KIF7: variants seen among roughly 807,000 people sequenced by gnomAD.
KIF7 encodes kinesin family member 7, also known as kinesin-like protein KIF7.
A neutral mutation model predicts 135.7 loss-of-function variants in KIF7; 104 were observed. That is an observed-to-expected ratio of 0.77 (90% CI 0.65 to 0.90). The LOEUF (loss-of-function observed/expected upper bound fraction) is 0.90. KIF7 is among the 40% of genes least tolerant of loss of function. KIF7 has a pLI of 0.00. For synonymous variants in KIF7, 883 were observed against 809.4 expected (o/e 1.09, Z -1.54); for missense variants, 2,005 against 1,839.1 (o/e 1.09, Z -1.65).
At chr15:89,645,743 C>G (rs1327199998) in intron 8 of KIF7, 150 bp downstream of exon 8, 49 of 1,140,738 alleles carry the variant, frequency 4.3e-5, no homozygotes, top group Non-Finnish European at 5.8e-5. Flanking sequence ...ACAGCTCTCC[C>G]CCAGGGGCTG....
At chr15:89,625,118 C>T (rs371605375), downstream of KIF7, 8 of 1,613,940 alleles carry the variant, frequency 5.0e-6, no homozygotes, top group Non-Finnish European at 6.8e-6. Context: ...AGCTTCCTCC[C>T]TGCTCTCAGC....
Position 89,648,675 on chromosome 15 carries a change from G to T in KIF7, c.1023C>A (p.Asn341Lys), listed in dbSNP as rs1172236161. Reference protein sequence around the residue: ...SDFDETLNTLNYASRAQNIRN... With the variant: ...SDFDETLNTLKYASRAQNIRN... ...GGATGTTCTGGGCGCGGCTGGCGTA[G>T]TTGAGGGTGTTGAGGGTCTCGTCGA... Residue 341 changes from asparagine to lysine, a missense_variant, in exon 5 of 19, where the codon AAC (asparagine) becomes AAA (lysine). Transcript: ENST00000394412. 1 of 1,535,932 alleles carries T rather than the reference G, an allele frequency of 6.5e-7. No individual in the cohort carries two copies. Among genetic ancestry groups the T allele is most frequent in the South Asian group, 1.2e-5 (1 of 84,058 alleles).
At position 89,646,977 on chromosome 15, in the gene KIF7, G is replaced by A; in HGVS notation, c.1641C>T (p.Gly547=). 6.2e-7 allele frequency: 1 copy of A among 1,612,710 alleles called. No individual in the cohort carries two copies. The highest frequency in any genetic ancestry group is 8.5e-7 in the Non-Finnish European group (1 of 1,179,646). The change falls in exon 7 of 19, where the codon GGC becomes GGT. Residue 547 remains glycine, a synonymous_variant. Transcript: ENST00000394412. ...GAGGCAGGCCATTCAGGAGCCGCGG[G>A]CCCCCCCAGCCTGGCCGCACCAGCT... is the stretch of plus-strand genomic sequence containing the variant. The part of the protein sequence containing the change: ...RLELVRPGWG[G]PRLLNGLPPG...
intron 1 of KIF7, among the ~76,000 whole-genome samples, chr15:89,653,870 C>CA (rs1475029066): frequency 2.0e-5 from 3 of 152,094 alleles, no homozygotes. Context: ...GCAGTGACTA[C>CA]AGGCATCAGC....
At chr15:89,631,201 C>G (rs55892115) in intron 15 of KIF7, 64,702 of 427,690 alleles carry the variant, frequency 0.15, 6,282 homozygotes, top group Middle Eastern at 0.24. Flanking sequence ...CACACGAAGC[C>G]GAGACGTGTG....
intron 11 of KIF7, 24 bp from the exon 12 acceptor site, chr15:89,633,907 G>A (rs1226212612): frequency 6.2e-7 from 1 of 1,612,994 alleles, no homozygotes; most frequent in Non-Finnish European, 8.5e-7. Flanking sequence ...AGTCTTCACT[G>A]GGCCATGCAC....
At chr15:89,659,637 T>C (rs1964239477), upstream of KIF7, among the ~76,000 whole-genome samples, 2 of 152,180 alleles carry the variant, frequency 1.3e-5, no homozygotes, top group Admixed American at 6.5e-5. Flanking sequence ...AATCAGGGAA[T>C]TAAGTCCATG....
intron 1 of KIF7, among the ~76,000 whole-genome samples, chr15:89,619,221 C>CTTTTTTTTTTTTT (rs386383750): frequency 8.0e-5 from 9 of 111,998 alleles, no homozygotes; most frequent in African/African-American, 2.8e-4. Context: ...CACCATTCTT[C>CTTTTTTTTTTTTT]TTTTTTTTTT....
At chr15:89,639,769 T>A (rs1963882909) in intron 11 of KIF7, among the ~76,000 whole-genome samples, 2 of 150,962 alleles carry the variant, frequency 1.3e-5, no homozygotes, top group African/African-American at 2.4e-5. Flanking sequence ...AAATACCATT[T>A]GACCCAGCCA....
intron 17 of KIF7, 59 bp from the exon 18 acceptor site, chr15:89,629,181 G>A: frequency 2.3e-6 from 3 of 1,304,142 alleles, no homozygotes; most frequent in Non-Finnish European, 2.1e-6. Context: ...AGGCGGCCAG[G>A]GCTGTGGGGG....
At chr15:89,624,139 G>A (rs60649217), downstream of KIF7, 246 of 1,613,818 alleles carry the variant, frequency 1.5e-4, 1 homozygote, top group African/African-American at 3.2e-3. Flanking sequence ...AGCTGCTCGG[G>A]CAGAGGAACC....
At position 89,652,792 on chromosome 15, in the gene KIF7, C is replaced by T. The variant is rs770323687; in HGVS notation, c.139G>A (p.Val47Ile). The T allele has an allele frequency of 2.6e-5, 41 of 1,551,194 alleles. No homozygotes were observed. Among genetic ancestry groups the T allele is most frequent in the Admixed American group, 9.8e-5 (5 of 50,984 alleles). The change falls in exon 2 of 19, where the codon GTC becomes ATC. Residue 47 changes from valine to isoleucine, a missense_variant. Physicochemically the swap from Val to Ile is conservative, Grantham distance 29. Transcript: ENST00000394412. ...AAGTGTCGGTCACGGCCCAGAGTGACGCGGCCAAGCCCTGGCTCCACCTGC... is the reference window on the plus strand; with the variant it reads ...AAGTGTCGGTCACGGCCCAGAGTGATGCGGCCAAGCCCTGGCTCCACCTGC... ...CLQVEPGLGR[V>I]TLGRDRHFGF...
chr15:89,633,771 CCCT>C lies in KIF7; in HGVS notation c.2504_2506del (p.Gln835_Gly836delinsArg). 2 of 1,611,322 alleles carry C rather than the reference CCCT, an allele frequency of 1.2e-6. No homozygotes were observed. The highest frequency in any genetic ancestry group is 1.7e-6 in the Non-Finnish European group (2 of 1,179,992). On this transcript the variant is annotated inframe_deletion, in exon 12 of 19. Transcript: ENST00000394412. ...CTCGCGAAGCCGCCTCTGCAGCTGT[CCCT>C]GCTGCTGCCGCATGAGCTGCACGTT...
intron 4 of KIF7, 65 bp from the exon 5 acceptor site, chr15:89,648,839 A>T (rs577130026): frequency 6.8e-7 from 1 of 1,479,780 alleles, no homozygotes. Context: ...AGCGGGCCAG[A>T]CCTGGGACCG....
At chr15:89,631,811 A>C in intron 14 of KIF7, 101 bp from the exon 15 acceptor site, 1 of 1,021,810 alleles carries the variant, frequency 9.8e-7, no homozygotes, top group Non-Finnish European at 1.4e-6. Flanking sequence ...TCCTTCCCTC[A>C]AGAAACCAAC....
At position 89,652,757 on chromosome 15, in the gene KIF7, G is replaced by A. The variant is rs760396015; in HGVS notation, c.174C>T (p.His58=). The A allele has an allele frequency of 1.4e-5, 21 of 1,551,562 alleles. No homozygotes were observed. In the South Asian group the frequency reaches 1.7e-4, roughly 12 times the overall value. Residue 58 remains histidine, a synonymous_variant, in exon 2 of 19, where the codon CAC becomes CAT. Transcript: ENST00000394412. Reference sequence around the variant, plus strand: ...GCCCCGCATCCTCGGCCAGCACCACGTGGAAGCCAAAGTGTCGGTCACGGC... The same window carrying A: ...GCCCCGCATCCTCGGCCAGCACCACATGGAAGCCAAAGTGTCGGTCACGGC... ...TLGRDRHFGF[H]VVLAEDAGQE... is the part of the protein sequence containing the mutation.
intron 4 of KIF7, 21 bp from the exon 5 acceptor site, chr15:89,648,795 C>A (rs1278816630): frequency 6.6e-7 from 1 of 1,525,142 alleles, no homozygotes. Flanking sequence ...GAGGGGGAGG[C>A]TCTCAGGGGC....
chr15:89,623,579 G>T, downstream of KIF7: 1 of 1,546,418 alleles, frequency 6.5e-7, no homozygotes, highest in South Asian at 1.3e-5. Context: ...CAGAGATCAT[G>T]AGTTATAATA....
In KIF7 at chr15:89,645,983, T is replaced by C. The variant is rs993149094; in HGVS notation, c.1832A>G (p.Glu611Gly). 8.1e-6 allele frequency: 13 copies of C among 1,613,854 alleles called. No homozygotes were observed. The highest frequency in any genetic ancestry group is 1.3e-5 in the African/African-American group (1 of 74,910). Reference protein sequence around the residue: ...GREAGAELLTEVNRLGSGSSA... With the variant: ...GREAGAELLTGVNRLGSGSSA... ...AGAGCCACTTCCCAGCCTGTTCACC[T>C]CAGTCAGCAACTCAGCTCCAGCCTC... Residue 611 changes from glutamate (E) to glycine (G), a missense_variant, in exon 8 of 19, where the codon GAG (glutamate) becomes GGG (glycine). Coordinates refer to ENST00000394412, the MANE Select transcript of KIF7 (RefSeq NM_198525.3).
Sources: allele counts gnomAD v4.1 joint callset (sites outside exome capture counted in the v4.1 genomes callset), GRCh38; gene constraint gnomAD v4.1.1; transcripts MANE v1.5; gene names NCBI Gene and HGNC (gene_info 2026-07-23, HGNC 2026-07-21).